Variants in SHISA9 observed in about 807,000 individuals in gnomAD.
SHISA9 encodes shisa family member 9.
Under a neutral mutation model 38.0 loss-of-function variants are expected in SHISA9, and 13 were observed. That is an observed-to-expected ratio of 0.34 (90% CI 0.22 to 0.54). The LOEUF is 0.54. Ranked by LOEUF, SHISA9 falls within the 20% of genes least tolerant of loss-of-function variation. The pLI is 0.91. For synonymous variants in SHISA9, 275 were observed against 242.0 expected (o/e 1.14, Z -1.27); for missense variants, 538 against 575.8 (o/e 0.93, Z 0.67).
intron 2 of SHISA9, among the ~76,000 whole-genome samples, chr16:13,031,846 C>T (rs1349510860): frequency 6.6e-6 from 1 of 152,090 alleles, no homozygotes; most frequent in Non-Finnish European, 1.5e-5. Context: ...GAAATTTCCT[C>T]AGTGAGAAAC....
At chr16:13,562,506 T>A in the SHISA9 span, among the ~76,000 whole-genome samples, 37 of 151,906 alleles carry the variant, frequency 2.4e-4, no homozygotes, top group African/African-American at 8.7e-4. Flanking sequence ...GGCAGGCACC[T>A]GTAGTCCCAG....
the SHISA9 span, among the ~76,000 whole-genome samples, chr16:13,489,639 C>T: frequency 6.6e-6 from 1 of 152,134 alleles, no homozygotes; most frequent in Non-Finnish European, 1.5e-5. Context: ...TCATTCATTC[C>T]TTGCCTTCCA....
At chr16:13,090,417 T>G (rs1292935432) in intron 2 of SHISA9, among the ~76,000 whole-genome samples, 1 of 152,144 alleles carries the variant, frequency 6.6e-6, no homozygotes, top group Admixed American at 6.5e-5. Flanking sequence ...AAGTCTCCCA[T>G]TATTATTATG....
At chr16:13,275,142 A>G in the SHISA9 span, among the ~76,000 whole-genome samples, 3 of 152,074 alleles carry the variant, frequency 2.0e-5, no homozygotes, top group African/African-American at 4.8e-5. Context: ...GTGAAGATCA[A>G]GTGTGGTAAC....
At chr16:13,404,648 C>T in the SHISA9 span, among the ~76,000 whole-genome samples, 3 of 152,120 alleles carry the variant, frequency 2.0e-5, no homozygotes, top group Non-Finnish European at 4.4e-5. Context: ...TCCTTGTGAG[C>T]TATGCTAGGT....
At chr16:12,989,546 G>A (rs958842628) in intron 2 of SHISA9, among the ~76,000 whole-genome samples, 1 of 151,844 alleles carries the variant, frequency 6.6e-6, no homozygotes, top group Non-Finnish European at 1.5e-5. Context: ...CATTGACATG[G>A]GTGCATCATC....
the SHISA9 span, among the ~76,000 whole-genome samples, chr16:13,293,138 G>T: frequency 6.6e-6 from 1 of 152,236 alleles, no homozygotes; most frequent in South Asian, 2.1e-4. Flanking sequence ...ATTAAAATGA[G>T]TACCCAGCTG....
intron 2 of SHISA9, among the ~76,000 whole-genome samples, chr16:13,103,258 A>G (rs2073896256): frequency 6.6e-6 from 1 of 152,192 alleles, no homozygotes; most frequent in African/African-American, 2.4e-5. Flanking sequence ...ATTCTTGTCT[A>G]TCTCCTGGGG....
chr16:13,222,175 ACCTCCCACCAGGTC>A (rs568057116), intron 4 of SHISA9, among the ~76,000 whole-genome samples: 56 of 152,042 alleles, frequency 3.7e-4, no homozygotes, highest in Middle Eastern at 6.8e-3. Context: ...TGATTCAGTT[ACCTCCCACCAGGTC>A]CCTCCCACCA....
the SHISA9 span, among the ~76,000 whole-genome samples, chr16:13,448,810 G>A: frequency 6.6e-6 from 1 of 152,200 alleles, no homozygotes; most frequent in African/African-American, 2.4e-5. Context: ...ATAAAAATTA[G>A]CACTCAATGC....
the SHISA9 span, among the ~76,000 whole-genome samples, chr16:13,343,134 G>A: frequency 2.0e-5 from 3 of 152,008 alleles, no homozygotes; most frequent in Non-Finnish European, 4.4e-5. Flanking sequence ...TCATTAACCC[G>A]ACCTATTCTT....
intron 2 of SHISA9, among the ~76,000 whole-genome samples, chr16:13,050,726 G>A (rs1288434880): frequency 6.6e-6 from 1 of 152,212 alleles, no homozygotes; most frequent in African/African-American, 2.4e-5. Context: ...GCCAGGCCAT[G>A]GAAGAGTTAC....
chr16:13,401,593 T>C, the SHISA9 span, among the ~76,000 whole-genome samples: 1 of 152,282 alleles, frequency 6.6e-6, no homozygotes, highest in South Asian at 2.1e-4. Context: ...GGTGCCCTTA[T>C]AAGAAGAGAA....
the SHISA9 span, among the ~76,000 whole-genome samples, chr16:13,452,060 A>G: frequency 6.6e-6 from 1 of 152,200 alleles, no homozygotes; most frequent in Non-Finnish European, 1.5e-5. Context: ...CTAATTCTGC[A>G]TGTCACCAGG....
At chr16:13,255,998 C>T in the SHISA9 span, among the ~76,000 whole-genome samples, 1 of 152,184 alleles carries the variant, frequency 6.6e-6, no homozygotes, top group African/African-American at 2.4e-5. Context: ...CCTCACCTGT[C>T]CTGCAACCTC....
Position 12,902,163 on chromosome 16 carries a change from G to T in SHISA9, c.99G>T (p.Ala33=). ...AGCGAGCGGGACACGGGCAGCTGGC[G>T]CAACTGGGCGGCGTGTTGCTGCTGG... The part of the protein sequence containing the change: ...AQERAGHGQL[A]QLGGVLLLAG... Residue 33 remains alanine, a synonymous_variant, in exon 1 of 5, where the codon GCG becomes GCT. Transcript: ENST00000558583. 6.5e-7 allele frequency: 1 copy of T among 1,527,312 alleles called. No homozygotes were observed. The highest frequency in any genetic ancestry group is 1.4e-5 in the African/African-American group (1 of 72,060). 94.6% of individuals were successfully genotyped at this position (1,527,312 alleles called of 1,614,324 possible). A position where few individuals can be genotyped will look rare whatever the true frequency, so the allele number is the denominator to read the frequency against.
the SHISA9 span, among the ~76,000 whole-genome samples, chr16:13,380,092 A>C: frequency 6.6e-6 from 1 of 152,196 alleles, no homozygotes; most frequent in Non-Finnish European, 1.5e-5. Context: ...GATACAGAAC[A>C]CAGAGATACA....
chr16:13,086,867 T>C (rs1409434219), intron 2 of SHISA9, among the ~76,000 whole-genome samples: 2 of 152,052 alleles, frequency 1.3e-5, no homozygotes, highest in Non-Finnish European at 2.9e-5. Context: ...ATTATTATTA[T>C]ACTTTAAGTT....
intron 2 of SHISA9, among the ~76,000 whole-genome samples, chr16:13,122,917 G>C (rs1202555334): frequency 2.0e-5 from 3 of 152,114 alleles, no homozygotes; most frequent in African/African-American, 4.8e-5. Flanking sequence ...TGTGGTGGCA[G>C]GTGCCTGTAG....
Sources: gnomAD v4.1 joint callset for allele counts (sites outside exome capture counted in the v4.1 genomes callset) on GRCh38, gnomAD v4.1.1 for gene constraint, MANE v1.5 for transcripts, NCBI Gene and HGNC (gene_info 2026-07-23, HGNC 2026-07-21) for gene names.